The following EIPR1 variants were observed in gnomAD, a reference collection of about 807,000 sequenced individuals.
The protein encoded by EIPR1 is EARP and GARP complex-interacting protein 1.
Under a neutral mutation model 48.1 loss-of-function variants are expected in EIPR1, and 25 were observed. The observed-to-expected ratio is 0.52, with a 90% CI of 0.38 to 0.73. The LOEUF is 0.73. Ranked by LOEUF, EIPR1 falls within the 30% of genes least tolerant of loss-of-function variation. EIPR1 has a pLI of 0.00. For synonymous variants in EIPR1, 204 were observed against 201.9 expected (o/e 1.01, Z -0.09); for missense variants, 415 against 506.2 (o/e 0.82, Z 1.73).
chr2:3,258,858 A>G (rs1258155722), intron 3 of EIPR1, among the ~76,000 whole-genome samples: 1 of 152,234 alleles, frequency 6.6e-6, no homozygotes, highest in Admixed American at 6.5e-5. Context: ...TATTCATATA[A>G]TGTTCACACT....
chr2:3,330,566 C>T (rs1278665343), intron 3 of EIPR1, among the ~76,000 whole-genome samples: 2 of 151,810 alleles, frequency 1.3e-5, no homozygotes, highest in African/African-American at 4.8e-5. Context: ...TAGGAATGCG[C>T]ACACTCACGA....
At chr2:3,193,090 G>A (rs989243725) in intron 7 of EIPR1, among the ~76,000 whole-genome samples, 4 of 152,268 alleles carry the variant, frequency 2.6e-5, no homozygotes, top group African/African-American at 9.6e-5. Flanking sequence ...TCTGCCTCCC[G>A]TCATGCTGAG....
At chr2:3,225,678 A>T (rs1666041781) in intron 4 of EIPR1, among the ~76,000 whole-genome samples, 1 of 152,134 alleles carries the variant, frequency 6.6e-6, no homozygotes, top group Non-Finnish European at 1.5e-5. Flanking sequence ...TCTCTTAGCC[A>T]ATTTCAAGTA....
intron 3 of EIPR1, among the ~76,000 whole-genome samples, chr2:3,281,089 A>T (rs1273369226): frequency 1.3e-5 from 2 of 151,902 alleles, no homozygotes; most frequent in Non-Finnish European, 2.9e-5. Flanking sequence ...TGGGCACAGC[A>T]CCCTGTCCTT....
intron 4 of EIPR1, among the ~76,000 whole-genome samples, chr2:3,243,859 C>T (rs1386305465): frequency 2.6e-5 from 4 of 152,204 alleles, no homozygotes; most frequent in Non-Finnish European, 5.9e-5. Context: ...CATGGCTCTG[C>T]TGTGACGTCC....
chr2:3,290,278 A>T (rs960346298), intron 3 of EIPR1, among the ~76,000 whole-genome samples: 2 of 152,246 alleles, frequency 1.3e-5, no homozygotes, highest in Non-Finnish European at 2.9e-5. Flanking sequence ...AGGATGGTGG[A>T]TGCGTAATTA....
chr2:3,306,844 T>A (rs994521969), intron 3 of EIPR1, among the ~76,000 whole-genome samples: 1 of 152,180 alleles, frequency 6.6e-6, no homozygotes, highest in Admixed American at 6.5e-5. Context: ...TCCAAACCCA[T>A]GTTGTTCAAA....
At chr2:3,202,225 C>T (rs1665073108) in intron 5 of EIPR1, among the ~76,000 whole-genome samples, 1 of 152,256 alleles carries the variant, frequency 6.6e-6, no homozygotes, top group Admixed American at 6.5e-5. Context: ...GCGTGAGCCA[C>T]CGCACCCGGC....
Position 3,214,026 on chromosome 2 carries a change from T to C in EIPR1, c.516+123A>G, listed in dbSNP as rs560937109. On this transcript the variant is annotated intron_variant, in intron 5 of 8. Coordinates refer to ENST00000382125, the MANE Select transcript of EIPR1 (RefSeq NM_003310.5). The stretch of plus-strand genomic sequence containing the variant: ...CCCCCAACCCCACGACAGGCCCTGG[T>C]GTGTGATGTTCCCCACCCTGTGTCC... 36 of 711,348 alleles carry C rather than the reference T, an allele frequency of 5.1e-5. No individual in the cohort carries two copies. In the African/African-American group the frequency reaches 5.7e-4, roughly 11 times the overall value. The allele number at this position is 711,348 out of a possible 1,614,324, so 44.1% of individuals were successfully genotyped here.
At chr2:3,314,218 G>T (rs1046852884) in intron 3 of EIPR1, among the ~76,000 whole-genome samples, 10 of 152,146 alleles carry the variant, frequency 6.6e-5, no homozygotes, top group Non-Finnish European at 1.5e-4. Flanking sequence ...ATTCATCCCA[G>T]TTCTAACGTG....
intron 5 of EIPR1, among the ~76,000 whole-genome samples, chr2:3,201,189 G>A (rs749868046): frequency 2.0e-5 from 3 of 152,130 alleles, no homozygotes; most frequent in South Asian, 2.1e-4. Flanking sequence ...CACAGGGCAG[G>A]AGGCAAAAGC....
At chr2:3,310,428 C>T (rs139223642) in intron 3 of EIPR1, among the ~76,000 whole-genome samples, 7,305 of 146,730 alleles carry the variant, frequency 0.05, 573 homozygotes, top group African/African-American at 0.17. Flanking sequence ...CCGAGGTGGG[C>T]GGATCACAAG....
intron 4 of EIPR1, among the ~76,000 whole-genome samples, chr2:3,247,758 T>C (rs933459232): frequency 6.6e-6 from 1 of 152,224 alleles, no homozygotes. Context: ...AATCCTTTAA[T>C]AGAAGAATAA....
chr2:3,321,476 C>A (rs1669528386), intron 3 of EIPR1, among the ~76,000 whole-genome samples: 1 of 152,172 alleles, frequency 6.6e-6, no homozygotes. Flanking sequence ...CTCACGTACT[C>A]CATTCTTTCA....
intron 3 of EIPR1, among the ~76,000 whole-genome samples, chr2:3,315,134 CAT>C (rs1669249689): frequency 8.8e-6 from 1 of 114,012 alleles, no homozygotes; most frequent in African/African-American, 4.7e-5. Flanking sequence ...CCACCATCAT[CAT>C]CACTAGCATC....
chr2:3,310,137 G>A (rs1281561533), intron 3 of EIPR1, among the ~76,000 whole-genome samples: 2 of 152,160 alleles, frequency 1.3e-5, no homozygotes, highest in Admixed American at 1.3e-4. Flanking sequence ...CTGGAAAGTT[G>A]TTTATATATT....
intron 4 of EIPR1, among the ~76,000 whole-genome samples, chr2:3,229,581 G>A (rs554168876): frequency 6.6e-6 from 1 of 152,172 alleles, no homozygotes; most frequent in African/African-American, 2.4e-5. Context: ...CTGCAACCAG[G>A]CTGTTGAATG....
intron 4 of EIPR1, among the ~76,000 whole-genome samples, chr2:3,246,055 G>A (rs1666783757): frequency 6.6e-6 from 1 of 152,118 alleles, no homozygotes; most frequent in Admixed American, 6.5e-5. Flanking sequence ...TCACACCACT[G>A]CACTCCAGCC....
At chr2:3,255,655 G>T (rs1667132722) in intron 4 of EIPR1, among the ~76,000 whole-genome samples, 1 of 152,200 alleles carries the variant, frequency 6.6e-6, no homozygotes, top group South Asian at 2.1e-4. Context: ...CAGGGCCAAG[G>T]TCCCTTTTCT....
Sources: allele counts gnomAD v4.1 joint callset (sites outside exome capture counted in the v4.1 genomes callset), GRCh38; gene constraint gnomAD v4.1.1; transcripts MANE v1.5; gene names NCBI Gene and HGNC (gene_info 2026-07-23, HGNC 2026-07-21).